The following HEXA variants were observed in gnomAD, a reference collection of about 807,000 sequenced individuals.
HEXA encodes hexosaminidase subunit alpha, also known as beta-hexosaminidase subunit alpha.
HEXA carries 54 observed loss-of-function variants against 73.3 expected under a neutral mutation model. The observed-to-expected ratio is 0.74, with a 90% CI of 0.59 to 0.92. The LOEUF is 0.92. HEXA is among the 40% of genes least tolerant of loss of function. The probability of loss-of-function intolerance (pLI) is 0.00; values close to 1 mark genes in which losing one functional copy is unlikely to be tolerated. For synonymous variants in HEXA, 230 were observed against 246.9 expected (o/e 0.93, Z 0.64); for missense variants, 649 against 653.0 (o/e 0.99, Z 0.07).
At chr15:72,351,668 G>A in intron 5 of HEXA, 1 of 242,354 alleles carries the variant, frequency 4.1e-6, no homozygotes, top group Non-Finnish European at 8.2e-6. Context: ...CATAATCTCA[G>A]AAGCAAAGGC....
Position 72,343,777 on chromosome 15 carries a change from C to A in HEXA, c.*300G>T. On this transcript the variant is annotated 3_prime_UTR_variant, in exon 14 of 14. Coordinates refer to ENST00000268097, the MANE Select transcript of HEXA (RefSeq NM_000520.6). Reference sequence around the variant, plus strand: ...CAGCACAAAGGCTATAGGTTTCATTCCCAGCCCTCAACTTAAAAGACCTCA... The same window carrying A: ...CAGCACAAAGGCTATAGGTTTCATTACCAGCCCTCAACTTAAAAGACCTCA... 1.3e-5 allele frequency: 5 copies of A among 396,980 alleles called. No homozygotes were observed. The highest frequency in any genetic ancestry group is 1.1e-4 in the South Asian group (5 of 46,806). The allele number at this position is 396,980 out of a possible 1,614,324, so 24.6% of individuals were successfully genotyped here. A position where few individuals can be genotyped will look rare whatever the true frequency, so the allele number is the denominator to read the frequency against.
At chr15:72,354,420 C>T (rs986774956) in intron 3 of HEXA, 1 of 152,288 alleles carries the variant, frequency 6.6e-6, no homozygotes, top group Non-Finnish European at 1.5e-5. Flanking sequence ...TTCTCAACAG[C>T]TGGGGCCCCT....
intron 1 of HEXA, among the ~76,000 whole-genome samples, chr15:72,360,872 A>G (rs1298630626): frequency 6.6e-6 from 1 of 152,224 alleles, no homozygotes; most frequent in Non-Finnish European, 1.5e-5. Context: ...GGAAGGTTAA[A>G]TGAGTTAATA....
intron 5 of HEXA, among the ~76,000 whole-genome samples, chr15:72,352,112 G>A (rs2088706156): frequency 6.6e-6 from 1 of 152,066 alleles, no homozygotes; most frequent in Non-Finnish European, 1.5e-5. Flanking sequence ...TTGCGCCATC[G>A]CGCCTGGCTA....
intron 2 of HEXA, chr15:72,355,959 C>T (rs1402560947): frequency 8.3e-6 from 4 of 480,532 alleles, no homozygotes; most frequent in Non-Finnish European, 1.6e-5. Context: ...CTTCTCCTGG[C>T]AAAGGGAACA....
At chr15:72,351,666 C>G (rs752981101) in intron 5 of HEXA, 1 of 243,806 alleles carries the variant, frequency 4.1e-6, no homozygotes, top group Non-Finnish European at 8.1e-6. Flanking sequence ...CTCATAATCT[C>G]AGAAGCAAAG....
chr15:72,346,028 C>T, intron 12 of HEXA: 2 of 608,506 alleles, frequency 3.3e-6, no homozygotes, highest in East Asian at 5.6e-5. Context: ...ATCCCACATA[C>T]CAAAGGGCAG....
chr15:72,355,088 G>A, intron 3 of HEXA: 1 of 210,332 alleles, frequency 4.8e-6, no homozygotes. Context: ...CTGGCACCTA[G>A]AACATCAGCC....
At chr15:72,353,785 G>C (rs1379134821) in intron 3 of HEXA, 48 bp from the exon 4 acceptor site, 6 of 1,336,676 alleles carry the variant, frequency 4.5e-6, no homozygotes, top group Non-Finnish European at 6.5e-6. Flanking sequence ...AGTGGAAAAA[G>C]AGATGTCTCT....
chr15:72,354,734 AGGTGTGGAATTCC>A (rs2088749932), intron 3 of HEXA: 1 of 152,412 alleles, frequency 6.6e-6, no homozygotes, highest in Non-Finnish European at 1.5e-5. Context: ...AACTAAAGCA[AGGTGTGGAATTCC>A]GAGAGAGTTT....
intron 1 of HEXA, among the ~76,000 whole-genome samples, chr15:72,374,293 T>A (rs1389235060): frequency 6.6e-6 from 1 of 152,114 alleles, no homozygotes; most frequent in Non-Finnish European, 1.5e-5. Flanking sequence ...CAATCTTGGG[T>A]AAGGCACTCT....
At chr15:72,370,648 G>A in intron 1 of HEXA, 1 of 389,094 alleles carries the variant, frequency 2.6e-6, no homozygotes, top group Non-Finnish European at 4.5e-6. Context: ...TGTAAGCCGT[G>A]ATCACACCAC....
intron 1 of HEXA, among the ~76,000 whole-genome samples, chr15:72,365,248 C>G (rs1323071694): frequency 6.6e-6 from 1 of 152,154 alleles, no homozygotes; most frequent in Non-Finnish European, 1.5e-5. Flanking sequence ...CGCCACCGTG[C>G]CCGGCTAATT....
chr15:72,353,238 G>T, intron 4 of HEXA, 60 bp from the exon 5 acceptor site: 1 of 977,084 alleles, frequency 1.0e-6, no homozygotes, highest in Non-Finnish European at 1.6e-6. Flanking sequence ...GGGGGCACAG[G>T]GAGATGAAGA....
intron 1 of HEXA, among the ~76,000 whole-genome samples, chr15:72,364,972 C>T (rs1456181585): frequency 1.3e-5 from 2 of 152,064 alleles, no homozygotes; most frequent in South Asian, 2.1e-4. Context: ...CAAGCGTGCA[C>T]CAGCATGTCA....
At chr15:72,365,958 T>A (rs960003635) in intron 1 of HEXA, among the ~76,000 whole-genome samples, 1 of 152,198 alleles carries the variant, frequency 6.6e-6, no homozygotes, top group Non-Finnish European at 1.5e-5. Flanking sequence ...TTTATACATG[T>A]TGCTTCCTCT....
intron 1 of HEXA, among the ~76,000 whole-genome samples, chr15:72,375,248 C>T (rs1433856506): frequency 6.6e-6 from 1 of 152,126 alleles, no homozygotes; most frequent in Non-Finnish European, 1.5e-5. Context: ...GCCGCCACGC[C>T]TGGCTAATTT....
At chr15:72,370,472 C>T (rs2088975175) in intron 1 of HEXA, 1 of 394,220 alleles carries the variant, frequency 2.5e-6, no homozygotes, top group African/African-American at 2.1e-5. Flanking sequence ...AAGAGGATCG[C>T]TTGAAGCCAG....
At chr15:72,355,660 A>AGGTT (rs1407734196) in intron 2 of HEXA, 36 bp from the exon 3 acceptor site, 1 of 1,423,618 alleles carries the variant, frequency 7.0e-7, no homozygotes, top group Non-Finnish European at 9.9e-7. Context: ...TAGTTGGTTA[A>AGGTT]GGTTTTCTAT....
Sources: allele counts gnomAD v4.1 joint callset (sites outside exome capture counted in the v4.1 genomes callset), GRCh38; gene constraint gnomAD v4.1.1; transcripts MANE v1.5; gene names NCBI Gene and HGNC (gene_info 2026-07-23, HGNC 2026-07-21).